The following DEFB116 variants were observed in gnomAD, a reference collection of about 807,000 sequenced individuals.
DEFB116 encodes beta-defensin 116.
In DEFB116, 5 loss-of-function variants were observed where a neutral mutation model predicts 2.8. The observed-to-expected ratio is 1.80, with a 90% confidence interval of 0.94 to 3.79. The LOEUF (loss-of-function observed/expected upper bound fraction) is 3.79, where lower values mean the gene tolerates loss of function less well. Among genes scored for constraint, DEFB116 ranks in the 30% most tolerant of loss-of-function variants. DEFB116 has a pLI of 0.00. For missense variants in DEFB116, 170 were observed against 118.0 expected (o/e 1.44, Z -2.04); for synonymous variants, 56 against 40.8 (o/e 1.37, Z -1.42).
Position 31,306,741 on chromosome 20 carries a change from G to T in DEFB116, c.67+1778C>A, listed in dbSNP as rs531205459. 3.1e-4 allele frequency among the ~76,000 whole-genome samples: 47 copies of T among 152,204 alleles called. 2 individuals are homozygous for T. In the South Asian group the frequency reaches 9.3e-3, roughly 30 times the overall value. On this transcript the variant is annotated intron_variant, in intron 1 of 1. Coordinates refer to ENST00000400549, the MANE Select transcript of DEFB116 (RefSeq NM_001037731.1). ...AGGAGGAGAAACCTCTAGATCAGAT[G>T]AATCTGAACTCACTATCGAGGAAGG... is the stretch of plus-strand genomic sequence containing the variant.
At chr20:31,304,523 G>T (rs974316873) in intron 1 of DEFB116, among the ~76,000 whole-genome samples, 1 of 151,996 alleles carries the variant, frequency 6.6e-6, no homozygotes, top group Admixed American at 6.6e-5. Context: ...CATTCTCATA[G>T]CTTATACTTG....
intron 1 of DEFB116, among the ~76,000 whole-genome samples, chr20:31,305,311 C>G: frequency 6.6e-6 from 1 of 151,974 alleles, no homozygotes. Flanking sequence ...AGGACTTTTC[C>G]TTTCTACCAA....
At chr20:31,306,357 A>C (rs1984990552) in intron 1 of DEFB116, among the ~76,000 whole-genome samples, 1 of 152,162 alleles carries the variant, frequency 6.6e-6, no homozygotes, top group Admixed American at 6.6e-5. Context: ...TTGGGAGGAT[A>C]AAAGGAAAAA....
intron 1 of DEFB116, among the ~76,000 whole-genome samples, chr20:31,307,886 C>T (rs1401335137): frequency 2.0e-5 from 3 of 151,900 alleles, no homozygotes; most frequent in Non-Finnish European, 4.4e-5. Flanking sequence ...AGCCCAACTG[C>T]AAAACATACA....
At chr20:31,304,569 T>G (rs1056073498) in intron 1 of DEFB116, among the ~76,000 whole-genome samples, 1 of 152,112 alleles carries the variant, frequency 6.6e-6, no homozygotes, top group African/African-American at 2.4e-5. Context: ...CTACATGACA[T>G]CAAGCCTATG....
rs553935240 is a variant in DEFB116 at position 31,303,271 on chromosome 20, C to A, written c.250G>T (p.Asp84Tyr). The change falls in exon 2 of 2, where the codon GAT (aspartate) becomes TAT (tyrosine). Residue 84 changes from aspartate to tyrosine, a missense_variant. Asp to Tyr is a radical substitution (Grantham distance 160, BLOSUM62 -3). Transcript: ENST00000400549. ...GACAAGTTGGAGTTAGAGTCGTAAT[C>A]CTCCTTCACATTTTTAGAACTGGTT... The part of the protein sequence containing the change: ...KITSSKNVKE[D>Y]YDSNSNLSVT... The A allele has an allele frequency of 3.7e-6, 6 of 1,613,576 alleles. No individual in the cohort carries two copies. Among genetic ancestry groups the A allele is most frequent in the Non-Finnish European group, 5.1e-6 (6 of 1,179,584 alleles).
chr20:31,303,597 A>AT (rs1984932293), intron 1 of DEFB116, 144 bp from the exon 2 acceptor site: 3 of 1,193,684 alleles, frequency 2.5e-6, no homozygotes, highest in Admixed American at 2.8e-5. Context: ...GGGCTCTGCC[A>AT]TTTACCATCT....
intron 1 of DEFB116, among the ~76,000 whole-genome samples, chr20:31,307,634 T>C (rs1472615115): frequency 1.3e-5 from 2 of 152,008 alleles, no homozygotes; most frequent in African/African-American, 4.8e-5. Context: ...AAACAACCTA[T>C]GGAATGGGAG....
intron 1 of DEFB116, 110 bp from the exon 2 acceptor site, chr20:31,303,563 TC>T: frequency 3.5e-6 from 5 of 1,439,058 alleles, no homozygotes; most frequent in Non-Finnish European, 4.7e-6. Flanking sequence ...AGATCTGGAA[TC>T]AAAACTACCT....
Position 31,303,315 on chromosome 20 carries a change from A to G in DEFB116, c.206T>C (p.Leu69Pro). Residue 69 changes from leucine to proline, a missense_variant, in exon 2 of 2, where the codon CTG becomes CCG. Physicochemically the swap from Leu to Pro is moderately conservative, Grantham distance 98. Transcript: ENST00000400549. ...ACTGGTTATTTTCACAGAAAGTTTCAGGCAGCACTTTTGATCATTTGGGCA... is the reference window on the plus strand; with the variant it reads ...ACTGGTTATTTTCACAGAAAGTTTCGGGCAGCACTTTTGATCATTTGGGCA... ...LTCPNDQKCC[L>P]KLSVKITSSK... 1 of 1,613,584 alleles carries G rather than the reference A, an allele frequency of 6.2e-7. No homozygotes were observed. Among genetic ancestry groups the G allele is most frequent in the Non-Finnish European group, 8.5e-7 (1 of 1,179,598 alleles).
In DEFB116 at chr20:31,303,502, G is replaced by A. The variant is rs770024276; in HGVS notation, c.68-49C>T. ...AGTTTCCATGCAGCAGTGATAATAG[G>A]GTGATGAAGCATGATTTAAAGGAAC... On this transcript the variant is annotated intron_variant, in intron 1 of 1. Transcript: ENST00000400549. 5 of 1,599,154 alleles carry A rather than the reference G, an allele frequency of 3.1e-6. No homozygotes were observed. The South Asian group carries it at 4.5e-5, about 14-fold the overall frequency.
In DEFB116 at chr20:31,308,517, A is replaced by G. The variant is rs1555819656; in HGVS notation, c.67+2T>C. ...AGAACCTTTGAGAGAGGCCTGAGTT[A>G]CCTGGAGTCTTTTGAGCCAGGATCA... is the stretch of plus-strand genomic sequence containing the variant. On this transcript the variant is annotated splice_donor_variant, in intron 1 of 1. Coordinates refer to ENST00000400549, the MANE Select transcript of DEFB116 (RefSeq NM_001037731.1). LOFTEE classifies it high-confidence loss of function. The G allele has an allele frequency of 1.2e-6, 2 of 1,613,484 alleles. No individual in the cohort carries two copies. The highest frequency in any genetic ancestry group is 1.7e-6 in the Non-Finnish European group (2 of 1,179,490).
intron 1 of DEFB116, among the ~76,000 whole-genome samples, chr20:31,307,700 A>C (rs1985023762): frequency 6.6e-6 from 1 of 152,148 alleles, no homozygotes; most frequent in African/African-American, 2.4e-5. Flanking sequence ...TTATTTCAAT[A>C]GCCACAACCC....
intron 1 of DEFB116, among the ~76,000 whole-genome samples, chr20:31,306,366 A>G (rs1418209948): frequency 1.3e-5 from 2 of 152,124 alleles, no homozygotes; most frequent in Non-Finnish European, 2.9e-5. Flanking sequence ...TAAAAGGAAA[A>G]ATTTGTTTGG....
chr20:31,304,619 C>T (rs1223813968), intron 1 of DEFB116, among the ~76,000 whole-genome samples: 3 of 152,022 alleles, frequency 2.0e-5, no homozygotes, highest in African/African-American at 7.2e-5. Flanking sequence ...CTGTGATAGG[C>T]ACAGAGAAGA....
chr20:31,307,214 C>A (rs1265288045), intron 1 of DEFB116, among the ~76,000 whole-genome samples: 1 of 152,048 alleles, frequency 6.6e-6, no homozygotes, highest in African/African-American at 2.4e-5. Context: ...TTTAAGAACA[C>A]TTAACATAAA....
chr20:31,303,830 C>T (rs1452386299), intron 1 of DEFB116, among the ~76,000 whole-genome samples: 2 of 152,148 alleles, frequency 1.3e-5, no homozygotes. Flanking sequence ...AGGTATGCCA[C>T]TGTGAGCACA....
chr20:31,304,027 G>T (rs1336957253), intron 1 of DEFB116, among the ~76,000 whole-genome samples: 1 of 152,020 alleles, frequency 6.6e-6, no homozygotes. Flanking sequence ...ACAGAAACAG[G>T]TACTGTGCAT....
In DEFB116 at chr20:31,303,348, T is replaced by C. The variant is rs1353829248; in HGVS notation, c.173A>G (p.Tyr58Cys). 1.9e-6 allele frequency: 3 copies of C among 1,613,620 alleles called. No homozygotes were observed. In the South Asian group the frequency reaches 3.3e-5, roughly 18 times the overall value. ...CTTTTGATCATTTGGGCAGGTTAAG[T>C]ATTGGATTTCATATTCTCTGCAGGC... Reference protein sequence around the residue: ...RNACREYEIQYLTCPNDQKCC... With the variant: ...RNACREYEIQCLTCPNDQKCC... The change falls in exon 2 of 2, where the codon TAC becomes TGC. Residue 58 changes from tyrosine to cysteine, a missense_variant. Tyr to Cys is a radical substitution (Grantham distance 194). Coordinates refer to ENST00000400549, the MANE Select transcript of DEFB116 (RefSeq NM_001037731.1).
Sources: allele counts gnomAD v4.1 joint callset (sites outside exome capture counted in the v4.1 genomes callset), GRCh38; gene constraint gnomAD v4.1.1; transcripts MANE v1.5; gene names NCBI Gene and HGNC (gene_info 2026-07-23, HGNC 2026-07-21).